Variants in DIAPH2 observed in about 807,000 individuals in gnomAD.
DIAPH2 encodes protein diaphanous homolog 2.
Under a neutral mutation model 92.7 loss-of-function variants are expected in DIAPH2, and 35 were observed. The observed-to-expected ratio is 0.38, with a 90% CI of 0.29 to 0.50. The LOEUF (loss-of-function observed/expected upper bound fraction) is 0.50, where lower values mean the gene tolerates loss of function less well. Ranked by LOEUF, DIAPH2 falls within the 20% of genes least tolerant of loss-of-function variation. The probability of loss-of-function intolerance (pLI) is 0.94; values close to 1 mark genes in which losing one functional copy is unlikely to be tolerated. For synonymous variants in DIAPH2, 301 were observed against 280.4 expected (o/e 1.07, Z -0.73); for missense variants, 701 against 819.5 (o/e 0.86, Z 1.77).
intron 19 of DIAPH2, among the ~76,000 whole-genome samples, chrX:97,095,491 T>C (rs2066862201): frequency 1.9e-5 from 2 of 107,727 alleles, no homozygotes; most frequent in South Asian, 7.8e-4. Flanking sequence ...ATTACATATA[T>C]ATATAATATA....
intron 22 of DIAPH2, among the ~76,000 whole-genome samples, chrX:97,244,428 T>A (rs989628222): frequency 8.9e-6 from 1 of 112,124 alleles, no homozygotes; most frequent in African/African-American, 3.2e-5. Flanking sequence ...GCACATTTTA[T>A]TTATTACAGA....
chrX:96,946,057 G>A (rs1428207404), intron 14 of DIAPH2, among the ~76,000 whole-genome samples: 1 of 111,382 alleles, frequency 9.0e-6, no homozygotes, highest in African/African-American at 3.3e-5. Flanking sequence ...CTTTCTCTCT[G>A]TTTAGACTTA....
intron 26 of DIAPH2, among the ~76,000 whole-genome samples, chrX:97,579,525 A>G (rs2071423332): frequency 9.0e-6 from 1 of 110,911 alleles, no homozygotes; most frequent in African/African-American, 3.3e-5. Flanking sequence ...CCATTGATCT[A>G]TATCTCTGTT....
At chrX:96,918,716 A>G (rs2065521665) in intron 9 of DIAPH2, 99 bp downstream of exon 9, 2 of 544,143 alleles carry the variant, frequency 3.7e-6, no homozygotes, top group Admixed American at 4.9e-5. Context: ...AGTAGTATGG[A>G]ATGTAAAACT....
intron 1 of DIAPH2, among the ~76,000 whole-genome samples, chrX:96,705,585 GA>G (rs2063881042): frequency 8.9e-6 from 1 of 111,866 alleles, no homozygotes; most frequent in Non-Finnish European, 1.9e-5. Flanking sequence ...AAATGTTTAT[GA>G]TTTTTTTAGA....
At chrX:96,899,042 T>C (rs1367393764) in intron 5 of DIAPH2, among the ~76,000 whole-genome samples, 12 of 110,027 alleles carry the variant, frequency 1.1e-4, no homozygotes, top group Admixed American at 1.1e-3. Context: ...GTTGTAGATA[T>C]GCGGCATTAT....
At chrX:96,757,582 C>T (rs1174763880) in intron 3 of DIAPH2, among the ~76,000 whole-genome samples, 2 of 112,386 alleles carry the variant, frequency 1.8e-5, no homozygotes, top group Non-Finnish European at 3.8e-5. Context: ...AACCTCAAAA[C>T]AATGTGTTCT....
intron 22 of DIAPH2, among the ~76,000 whole-genome samples, chrX:97,198,265 T>C (rs865816716): frequency 2.2e-5 from 2 of 89,037 alleles, no homozygotes; most frequent in African/African-American, 8.9e-5. Context: ...AACAACAAAA[T>C]ACACACACAC....
intron 4 of DIAPH2, among the ~76,000 whole-genome samples, chrX:96,828,346 C>T (rs1246155803): frequency 4.5e-5 from 5 of 111,397 alleles, no homozygotes; most frequent in Non-Finnish European, 7.5e-5. Flanking sequence ...TTGATTTGGC[C>T]GAAGTCTTAG....
chrX:96,781,706 G>A (rs1306696973), intron 4 of DIAPH2, among the ~76,000 whole-genome samples: 3 of 107,699 alleles, frequency 2.8e-5, no homozygotes, highest in African/African-American at 9.9e-5. Flanking sequence ...AAAAGAAAAA[G>A]TTTATATATA....
At chrX:97,429,862 C>T (rs2070108369) in intron 26 of DIAPH2, 117 bp downstream of exon 26, 1 of 660,806 alleles carries the variant, frequency 1.5e-6, no homozygotes, top group East Asian at 3.7e-5. Context: ...CTTTTTTTAA[C>T]AGTTGATCTC....
chrX:97,119,593 G>A (rs1412950220), intron 21 of DIAPH2, among the ~76,000 whole-genome samples: 2 of 111,844 alleles, frequency 1.8e-5, no homozygotes, highest in African/African-American at 6.5e-5. Flanking sequence ...AGGAACCGGC[G>A]GTGGGCAGGG....
intron 26 of DIAPH2, among the ~76,000 whole-genome samples, chrX:97,474,270 G>A (rs1473165723): frequency 8.9e-6 from 1 of 112,509 alleles, no homozygotes; most frequent in Non-Finnish European, 1.9e-5. Context: ...TAGTCTGAAA[G>A]TACTGTTAAT....
At chrX:96,862,587 G>A (rs998664636) in intron 4 of DIAPH2, among the ~76,000 whole-genome samples, 1 of 112,074 alleles carries the variant, frequency 8.9e-6, no homozygotes, top group Admixed American at 9.5e-5. Flanking sequence ...TAGTGCTGGC[G>A]TTAATTAGGT....
intron 4 of DIAPH2, among the ~76,000 whole-genome samples, chrX:96,848,288 G>T (rs2064985744): frequency 9.0e-6 from 1 of 111,522 alleles, no homozygotes; most frequent in Admixed American, 9.5e-5. Context: ...CAATCCTCCC[G>T]CCATGGCCTC....
chrX:97,388,386 C>CTT (rs1346056134), intron 25 of DIAPH2, among the ~76,000 whole-genome samples: 1 of 111,748 alleles, frequency 8.9e-6, no homozygotes, highest in African/African-American at 3.2e-5. Context: ...GAGTCTCACT[C>CTT]TGTCACCCAG....
chrX:96,779,942 T>TG (rs1413020718), intron 4 of DIAPH2, among the ~76,000 whole-genome samples: 4 of 112,163 alleles, frequency 3.6e-5, no homozygotes, highest in Non-Finnish European at 7.5e-5. Flanking sequence ...ATAGCACCCA[T>TG]GTTCAAAGAC....
intron 25 of DIAPH2, among the ~76,000 whole-genome samples, chrX:97,419,838 T>C (rs964215848): frequency 8.9e-6 from 1 of 112,423 alleles, no homozygotes; most frequent in Non-Finnish European, 1.9e-5. Context: ...CTTTGGTACA[T>C]CATTTTGAAT....
intron 26 of DIAPH2, among the ~76,000 whole-genome samples, chrX:97,556,117 A>C (rs751851772): frequency 1.8e-5 from 2 of 111,818 alleles, no homozygotes; most frequent in Admixed American, 9.5e-5. Context: ...GTAGAGAGAC[A>C]CAGTTAATTG....
Sources: gnomAD v4.1 joint callset for allele counts (sites outside exome capture counted in the v4.1 genomes callset) on GRCh38, gnomAD v4.1.1 for gene constraint, MANE v1.5 for transcripts, NCBI Gene and HGNC (gene_info 2026-07-23, HGNC 2026-07-21) for gene names.